The following JMY variants were observed in gnomAD, a reference collection of about 807,000 sequenced individuals.
JMY encodes junction mediating and regulatory protein, p53 cofactor.
A neutral mutation model predicts 103.3 loss-of-function variants in JMY; 46 were observed. The ratio of observed to expected loss-of-function variants is 0.45; its 90% CI spans 0.35 to 0.57. The LOEUF is 0.57. Ranked by LOEUF, JMY falls within the 20% of genes least tolerant of loss-of-function variation. The pLI is 0.00. For missense variants in JMY, 1,238 were observed against 1,255.2 expected (o/e 0.99, Z 0.21); for synonymous variants, 526 against 489.3 (o/e 1.07, Z -0.99).
intron 6 of JMY, among the ~76,000 whole-genome samples, chr5:79,302,722 A>G (rs16876636): frequency 0.037 from 5,671 of 152,302 alleles, 347 homozygotes; most frequent in African/African-American, 0.13. Flanking sequence ...AAGTTAAGCA[A>G]AGGGGTAGTA....
intron 1 of JMY, among the ~76,000 whole-genome samples, chr5:79,275,425 T>C (rs1052963360): frequency 6.6e-6 from 1 of 152,166 alleles, no homozygotes; most frequent in Non-Finnish European, 1.5e-5. Context: ...CCTCCCACAG[T>C]GCTGGGATTA....
Position 79,236,550 on chromosome 5 carries a change from G to C in JMY, c.-101G>C. 1.0e-6 allele frequency: 1 copy of C among 981,410 alleles called. No homozygotes were observed. The highest frequency in any genetic ancestry group is 1.4e-6 in the Non-Finnish European group (1 of 740,566). 60.8% of individuals were successfully genotyped at this position (981,410 alleles called of 1,614,324 possible). On this transcript the variant is annotated 5_prime_UTR_variant, in exon 1 of 11. Transcript: ENST00000396137. ...GGCCGGCGCACTAAGATGGCTGAAG[G>C]CGCCCGGCGAGGGTGAGCGGGGGGC...
In JMY at chr5:79,270,470, TATATTTACATAA is replaced by T. The variant is rs1473318395; in HGVS notation, c.1033-7426_1033-7415del. On this transcript the variant is annotated intron_variant, in intron 1 of 10. Transcript: ENST00000396137. ...TATATTTACATAAATATTTAAAATG[TATATTTACATAA>T]ATATTTACATAAAATATATATTTAC... Among the ~76,000 whole-genome samples, 6 of 77,124 alleles carry T rather than the reference TATATTTACATAA, an allele frequency of 7.8e-5. 1 individual carries two copies. The highest frequency in any genetic ancestry group is 1.7e-4 in the Non-Finnish European group (6 of 36,348). The allele number at this position is 77,124 out of a possible 152,430, so 50.6% of individuals were successfully genotyped here.
chr5:79,320,245 G>A (rs1160731571), intron 10 of JMY, among the ~76,000 whole-genome samples: 1 of 152,084 alleles, frequency 6.6e-6, no homozygotes, highest in East Asian at 1.9e-4. Flanking sequence ...GCTGGGCGTG[G>A]TGGCTCACAC....
intron 2 of JMY, among the ~76,000 whole-genome samples, chr5:79,282,075 T>TG (rs1478025496): frequency 4.6e-5 from 7 of 152,078 alleles, no homozygotes; most frequent in African/African-American, 1.7e-4. Context: ...GGCATGGTGG[T>TG]GGCCACCTGT....
At chr5:79,312,149 AT>A (rs1439191819) in intron 7 of JMY, among the ~76,000 whole-genome samples, 7 of 152,162 alleles carry the variant, frequency 4.6e-5, no homozygotes, top group African/African-American at 1.7e-4. Flanking sequence ...AGTCATCTAC[AT>A]TTAAGTTAGC....
chr5:79,273,485 A>T (rs1745844454), intron 1 of JMY, among the ~76,000 whole-genome samples: 1 of 152,238 alleles, frequency 6.6e-6, no homozygotes, highest in African/African-American at 2.4e-5. Flanking sequence ...ATAATATGAT[A>T]AACCTACTTG....
Position 79,325,263 on chromosome 5 carries a change from A to AAACTT in JMY, c.*3665_*3669dup, listed in dbSNP as rs1295289050. The AAACTT allele has an allele frequency of 6.6e-6, 1 of 152,186 alleles. No individual in the cohort carries two copies. Among genetic ancestry groups the AAACTT allele is most frequent in the Non-Finnish European group, 1.5e-5 (1 of 68,010 alleles). 9.4% of individuals were successfully genotyped at this position (152,186 alleles called of 1,614,324 possible). On this transcript the variant is annotated 3_prime_UTR_variant, in exon 11 of 11. Transcript: ENST00000396137. ...TTCAGCTTTATTATTGAAGTATTAC[A>AAACTT]AACTTAACATCAGATACCAATGTGT...
At chr5:79,300,653 T>C in intron 5 of JMY, 23 bp from the exon 6 acceptor site, 1 of 1,563,920 alleles carries the variant, frequency 6.4e-7, no homozygotes, top group Non-Finnish European at 8.6e-7. Context: ...TTACCACTAC[T>C]CTTTTTTGCT....
chr5:79,277,026 T>C (rs964466122), intron 1 of JMY, among the ~76,000 whole-genome samples: 19 of 152,366 alleles, frequency 1.2e-4, no homozygotes, highest in African/African-American at 4.3e-4. Flanking sequence ...CATGAGCCAC[T>C]GCACCTGGCC....
Position 79,291,198 on chromosome 5 carries a change from C to A in JMY, c.1426C>A (p.Arg476=), listed in dbSNP as rs779369887. The change falls in exon 4 of 11, where the codon CGG becomes AGG. Residue 476 remains arginine (R), a synonymous_variant. Transcript: ENST00000396137. ...AGCATCATGGGCAGCGGCTGCTGAACGGATGGAAAAACTCCAGTATGCAGT... is the reference window on the plus strand; with the variant it reads ...AGCATCATGGGCAGCGGCTGCTGAAAGGATGGAAAAACTCCAGTATGCAGT... ...GKASWAAAAE[R]MEKLQYAVSK... is the part of the protein sequence containing the mutation. 6 of 1,612,772 alleles carry A rather than the reference C, an allele frequency of 3.7e-6. No individual in the cohort carries two copies. The East Asian group carries it at 1.3e-4, about 36-fold the overall frequency.
intron 6 of JMY, among the ~76,000 whole-genome samples, chr5:79,302,083 C>CAAA (rs33983370): frequency 8.2e-4 from 84 of 102,494 alleles, no homozygotes; most frequent in African/African-American, 2.1e-3. Context: ...AACTCCGTCT[C>CAAA]AAAAAAAAAA....
In JMY at chr5:79,264,949, C is replaced by T. The variant is rs527246309; in HGVS notation, c.1033-12961C>T. ...TGTAATTTTTTGAGGCAGAGTCTTG[C>T]GCTATCACTGTCACCCACGCTGGAG... is the stretch of plus-strand genomic sequence containing the variant. On this transcript the variant is annotated intron_variant, in intron 1 of 10. Transcript: ENST00000396137. Among the ~76,000 whole-genome samples the T allele has an allele frequency of 4.6e-5, 7 of 152,130 alleles. No individual in the cohort carries two copies. The East Asian group carries it at 9.7e-4, about 21-fold the overall frequency.
chr5:79,290,916 C>T (rs1453539508), intron 3 of JMY, among the ~76,000 whole-genome samples: 2 of 152,058 alleles, frequency 1.3e-5, no homozygotes, highest in African/African-American at 4.8e-5. Flanking sequence ...ACCCGGGAGG[C>T]GGAGGTTGCA....
chr5:79,314,927 C>A, intron 9 of JMY, 76 bp downstream of exon 9: 2 of 1,343,634 alleles, frequency 1.5e-6, no homozygotes, highest in Non-Finnish European at 2.0e-6. Context: ...TTTGACGTTG[C>A]AAAGCTTAAA....
intron 1 of JMY, among the ~76,000 whole-genome samples, chr5:79,268,345 G>A (rs1439416019): frequency 6.6e-6 from 1 of 152,108 alleles, no homozygotes; most frequent in Non-Finnish European, 1.5e-5. Flanking sequence ...ATGAGTTCTG[G>A]TTGTTCCGCA....
chr5:79,265,780 CTTT>C (rs34354467), intron 1 of JMY, among the ~76,000 whole-genome samples: 8 of 116,184 alleles, frequency 6.9e-5, no homozygotes, highest in Admixed American at 1.8e-4. Context: ...TGTGATGATT[CTTT>C]TTTTTTTTTT....
chr5:79,247,085 C>T lies in JMY; in HGVS notation c.1032+9403C>T, dbSNP rs1744927853. On this transcript the variant is annotated intron_variant, in intron 1 of 10. Coordinates refer to ENST00000396137, the MANE Select transcript of JMY (RefSeq NM_152405.5). ...TCAAATCCAAGCCTGCCTTGTTAAC[C>T]ACTGGACTGTCTGCATCCCTGTAGA... Among the ~76,000 whole-genome samples the T allele has an allele frequency of 2.6e-5, 4 of 152,092 alleles. No individual in the cohort carries two copies. In the South Asian group the frequency reaches 6.2e-4, roughly 24 times the overall value.
chr5:79,323,717 A>C lies in JMY; in HGVS notation c.*2115A>C, dbSNP rs1003365706. On this transcript the variant is annotated 3_prime_UTR_variant, in exon 11 of 11. Coordinates refer to ENST00000396137, the MANE Select transcript of JMY (RefSeq NM_152405.5). ...TGGAACATTCATATCTTGAGAGGGA[A>C]TTTGCTACTCTTTTACTTTTGGGAT... is the stretch of plus-strand genomic sequence containing the variant. 3.9e-5 allele frequency: 6 copies of C among 152,154 alleles called. No homozygotes were observed. Among genetic ancestry groups the C allele is most frequent in the Non-Finnish European group, 7.3e-5 (5 of 68,036 alleles). 9.4% of individuals were successfully genotyped at this position (152,154 alleles called of 1,614,324 possible).
Sources: gnomAD v4.1 joint callset for allele counts (sites outside exome capture counted in the v4.1 genomes callset) on GRCh38, gnomAD v4.1.1 for gene constraint, MANE v1.5 for transcripts, NCBI Gene and HGNC (gene_info 2026-07-23, HGNC 2026-07-21) for gene names.